The following TBC1D22A variants were observed in gnomAD, a reference collection of about 807,000 sequenced individuals.
TBC1D22A encodes putative GTPase activator.
A neutral mutation model predicts 60.2 loss-of-function variants in TBC1D22A; 38 were observed. That is an observed-to-expected ratio of 0.63 (90% confidence interval 0.49 to 0.83). The LOEUF (loss-of-function observed/expected upper bound fraction) is 0.83. Ranked by LOEUF, TBC1D22A falls within the 40% of genes least tolerant of loss-of-function variation. The probability of loss-of-function intolerance (pLI) is 0.00; values close to 1 mark genes in which losing one functional copy is unlikely to be tolerated. For missense variants in TBC1D22A, 628 were observed against 701.0 expected (o/e 0.90, Z 1.18); for synonymous variants, 302 against 281.7 (o/e 1.07, Z -0.72).
chr22:46,879,581 G>A (rs969795610), intron 5 of TBC1D22A, among the ~76,000 whole-genome samples: 2 of 152,172 alleles, frequency 1.3e-5, no homozygotes, highest in Non-Finnish European at 1.5e-5. Context: ...GCTCTGAACA[G>A]CGAATATTTA....
In TBC1D22A at chr22:47,037,190, A is replaced by G; in HGVS notation, c.1321A>G (p.Thr441Ala). The G allele has an allele frequency of 6.2e-7, 1 of 1,613,496 alleles. No homozygotes were observed. The highest frequency in any genetic ancestry group is 8.5e-7 in the Non-Finnish European group (1 of 1,179,834). ...GCGTTGTACCATCCGCCTGTGGGAC[A>G]CCTACCAGGTGAGCTCTCCTTCGCA... ...PLRCTIRLWD[T>A]YQSEPDGFSH... The change falls in exon 11 of 13, where the codon ACC (threonine) becomes GCC (alanine). Residue 441 changes from threonine to alanine, a missense_variant. Coordinates refer to ENST00000337137, the MANE Select transcript of TBC1D22A (RefSeq NM_014346.5).
At chr22:46,997,830 T>C (rs2075172883) in intron 10 of TBC1D22A, 121 bp downstream of exon 10, 1 of 788,580 alleles carries the variant, frequency 1.3e-6, no homozygotes, top group African/African-American at 1.7e-5. Context: ...GGATCCCTCA[T>C]GGGCATCCTT....
rs1299073935 is a variant in TBC1D22A at position 47,028,198 on chromosome 22, C to T, written c.1202-8873C>T. Among the ~76,000 whole-genome samples the T allele has an allele frequency of 6.6e-6, 1 of 152,202 alleles. No individual in the cohort carries two copies. The highest frequency in any genetic ancestry group is 2.4e-5 in the African/African-American group (1 of 41,452). On this transcript the variant is annotated intron_variant, in intron 10 of 12. Transcript: ENST00000337137. The surrounding 1 kb of genome is among the most constrained non-coding windows in gnomAD (Gnocchi z 4.4). Reference sequence around the variant, plus strand: ...CTGTCAAAAAAATAGACCTCAATACCTCTCTAGAGATGAAAAGATTGCGTG... The same window carrying T: ...CTGTCAAAAAAATAGACCTCAATACTTCTCTAGAGATGAAAAGATTGCGTG...
rs1311847577 is a variant in TBC1D22A, at chr22:46,793,794, T to TCC, written c.414_415dup (p.Arg139ProfsTer4). On this transcript the variant is annotated frameshift_variant, in exon 3 of 13. Coordinates refer to ENST00000337137, the MANE Select transcript of TBC1D22A (RefSeq NM_014346.5). LOFTEE classifies it high-confidence loss of function. ...CCGCCCTCACCCCCCAGCGGCGACC[T>TCC]CCGGCTGGTGAAGTCGGTCAGTGAG... 6.3e-7 allele frequency: 1 copy of TCC among 1,598,188 alleles called. No individual in the cohort carries two copies. Among genetic ancestry groups the TCC allele is most frequent in the South Asian group, 1.1e-5 (1 of 89,448 alleles).
intron 7 of TBC1D22A, among the ~76,000 whole-genome samples, chr22:46,906,401 T>G (rs2069468569): frequency 6.7e-6 from 1 of 149,942 alleles, no homozygotes. Flanking sequence ...CTGGTGTGCA[T>G]TTAGGATAGG....
At chr22:46,903,310 G>A (rs761323470) in intron 7 of TBC1D22A, among the ~76,000 whole-genome samples, 74 of 152,314 alleles carry the variant, frequency 4.9e-4, no homozygotes, top group Non-Finnish European at 8.5e-4. Flanking sequence ...GTAGCAGAGC[G>A]AAGTTCAGCC....
Position 47,091,638 on chromosome 22 carries a change from A to G in TBC1D22A, c.1330-19870A>G, listed in dbSNP as rs543163949. Among the ~76,000 whole-genome samples the G allele has an allele frequency of 3.0e-4, 45 of 152,244 alleles. No homozygotes were observed. The East Asian group carries it at 7.3e-3, about 25-fold the overall frequency. On this transcript the variant is annotated intron_variant, in intron 11 of 12. Transcript: ENST00000337137. ...GAGTGGCCTCGCTGAGCTTCTTCTC[A>G]GGTCCTGTGCACCTGGCAGGCTGCT...
Position 46,793,739 on chromosome 22 carries a change from C to A in TBC1D22A, c.358C>A (p.Leu120Ile). ...GCCCACGCTGCAGGAGGGGCCAGGG[C>A]TTCAGCAGAAGCCCAGGCCCGAGGC... is the stretch of plus-strand genomic sequence containing the variant. ...GRPTLQEGPGLQQKPRPEAEP... is the reference protein window; with the variant it reads ...GRPTLQEGPGIQQKPRPEAEP... Residue 120 changes from leucine (L) to isoleucine (I), a missense_variant, in exon 3 of 13, where the codon CTT becomes ATT. By Grantham distance (5) the Leu-to-Ile change is conservative (BLOSUM62 2). Coordinates refer to ENST00000337137, the MANE Select transcript of TBC1D22A (RefSeq NM_014346.5). 6.2e-7 allele frequency: 1 copy of A among 1,605,628 alleles called. No individual in the cohort carries two copies. The highest frequency in any genetic ancestry group is 8.5e-7 in the Non-Finnish European group (1 of 1,177,750).
chr22:46,764,672 C>T (rs988815344), intron 1 of TBC1D22A, among the ~76,000 whole-genome samples: 1 of 152,116 alleles, frequency 6.6e-6, no homozygotes, highest in African/African-American at 2.4e-5. Context: ...GGCCTTAGTT[C>T]GTCAACTAGT....
rs529014806 is a variant in TBC1D22A, at chr22:47,009,369, A to G, written c.1201+11660A>G. On this transcript the variant is annotated intron_variant, in intron 10 of 12. Transcript: ENST00000337137. This position sits in a 1 kb window ranked among gnomAD's most constrained non-coding sequence, Gnocchi z 5.8. ...CACCACCATCATCATCACCATCACC[A>G]TCATCATTTCATCACCATCACCATC... is the stretch of plus-strand genomic sequence containing the variant. Among the ~76,000 whole-genome samples the G allele has an allele frequency of 6.6e-6, 1 of 151,640 alleles. No individual in the cohort carries two copies. Among genetic ancestry groups the G allele is most frequent in the South Asian group, 2.1e-4 (1 of 4,788 alleles).
chr22:46,963,255 C>T (rs2148066597), intron 8 of TBC1D22A, among the ~76,000 whole-genome samples: 1 of 93,150 alleles, frequency 1.1e-5, no homozygotes, highest in Non-Finnish European at 2.3e-5. Flanking sequence ...TGCCTGATCA[C>T]CTTACCCCAT....
At chr22:46,887,601 T>A (rs12168490) in intron 5 of TBC1D22A, among the ~76,000 whole-genome samples, 1,877 of 152,298 alleles carry the variant, frequency 0.012, 32 homozygotes, top group African/African-American at 0.041. Flanking sequence ...CTGTTACGCG[T>A]TATAACATGA....
chr22:46,971,796 G>A (rs1419175391), intron 8 of TBC1D22A, among the ~76,000 whole-genome samples: 1 of 152,256 alleles, frequency 6.6e-6, no homozygotes, highest in East Asian at 1.9e-4. Flanking sequence ...GGGAAATTGG[G>A]AGACAGGGCC....
At chr22:46,800,139 A>G (rs760300829) in intron 4 of TBC1D22A, among the ~76,000 whole-genome samples, 1 of 152,012 alleles carries the variant, frequency 6.6e-6, no homozygotes, top group Non-Finnish European at 1.5e-5. Context: ...ATTTCCCCCG[A>G]CTTGACTGCA....
At chr22:46,940,414 A>C (rs1434364809) in intron 8 of TBC1D22A, among the ~76,000 whole-genome samples, 1 of 151,862 alleles carries the variant, frequency 6.6e-6, no homozygotes. Context: ...ATGTATATAC[A>C]CAGTCCACCC....
chr22:46,961,987 G>T (rs563829863), intron 8 of TBC1D22A, among the ~76,000 whole-genome samples: 53 of 152,360 alleles, frequency 3.5e-4, no homozygotes, highest in African/African-American at 1.3e-3. Context: ...GTCACTGCAG[G>T]TTCCTGCAGA....
At chr22:46,836,064 A>G (rs2086505016) in intron 4 of TBC1D22A, among the ~76,000 whole-genome samples, 1 of 152,236 alleles carries the variant, frequency 6.6e-6, no homozygotes, top group Non-Finnish European at 1.5e-5. Flanking sequence ...GCTTTAAAAG[A>G]ACTATGAAAG....
chr22:46,941,778 G>T (rs534511174), intron 8 of TBC1D22A, among the ~76,000 whole-genome samples: 1 of 126,202 alleles, frequency 7.9e-6, no homozygotes, highest in Admixed American at 8.2e-5. Context: ...ATATGTATAC[G>T]GAATATATAT....
intron 12 of TBC1D22A, among the ~76,000 whole-genome samples, chr22:47,162,957 T>C (rs868211870): frequency 6.6e-6 from 1 of 152,200 alleles, no homozygotes; most frequent in Non-Finnish European, 1.5e-5. Flanking sequence ...GACCACACCA[T>C]GCCCACGCCC....
Sources: gnomAD v4.1 joint callset for allele counts (sites outside exome capture counted in the v4.1 genomes callset) on GRCh38, gnomAD v4.1.1 for gene constraint, Gnocchi (gnomAD v3.1) non-coding constraint, MANE v1.5 for transcripts, NCBI Gene and HGNC (gene_info 2026-07-23, HGNC 2026-07-21) for gene names.